Variants in DNAJC1 observed in about 807,000 individuals in gnomAD.
DNAJC1 encodes the protein dnaJ homolog subfamily C member 1.
DNAJC1 carries 58 observed loss-of-function variants against 76.6 expected under a neutral mutation model. The ratio of observed to expected loss-of-function variants is 0.76; its 90% CI spans 0.61 to 0.94. The LOEUF is 0.94. Among genes scored for constraint, DNAJC1 ranks in the 40% least tolerant of loss-of-function variants. DNAJC1 has a pLI of 0.00. For missense variants in DNAJC1, 689 were observed against 677.3 expected, an observed-to-expected ratio of 1.02 and a Z score of -0.19; for synonymous variants, 258 against 267.9, an observed-to-expected ratio of 0.96 and a Z score of 0.36.
chr10:21,983,046 C>T (rs916869031), intron 1 of DNAJC1, among the ~76,000 whole-genome samples: 1 of 152,182 alleles, frequency 6.6e-6, no homozygotes, highest in African/African-American at 2.4e-5. Context: ...GAGAGGAAGA[C>T]TCTGTCTCAA....
intron 3 of DNAJC1, among the ~76,000 whole-genome samples, chr10:21,927,422 C>A (rs548542525): frequency 2.2e-4 from 34 of 152,222 alleles, no homozygotes; most frequent in African/African-American, 6.7e-4. Context: ...TGTATTACCC[C>A]CCTAGTGAAG....
chr10:21,768,543 A>C (rs1391118558), intron 9 of DNAJC1, among the ~76,000 whole-genome samples: 17 of 152,244 alleles, frequency 1.1e-4, no homozygotes. Flanking sequence ...TACCTGGCAG[A>C]CAGTAAAGGC....
chr10:21,868,078 AAAAAAAAAAAAC>A (rs1475182719), intron 8 of DNAJC1, among the ~76,000 whole-genome samples: 3 of 75,454 alleles, frequency 4.0e-5, no homozygotes, highest in Admixed American at 1.3e-4. Flanking sequence ...TCTGTCTCCA[AAAAAAAAAAAAC>A]AAAAAAAAAA....
In DNAJC1 at chr10:21,833,339, C is replaced by A. The variant is rs576564781; in HGVS notation, c.979-27240G>T. On this transcript the variant is annotated intron_variant, in intron 8 of 11. Transcript: ENST00000376980. ...ACAAAAAATCAGCTGGGCATGGTGACGGGCGCCTGTAATCCCAGCTATTTG... is the reference window on the plus strand; with the variant it reads ...ACAAAAAATCAGCTGGGCATGGTGAAGGGCGCCTGTAATCCCAGCTATTTG... 2.6e-5 allele frequency among the ~76,000 whole-genome samples: 4 copies of A among 152,158 alleles called. No homozygotes were observed. The East Asian group carries it at 7.7e-4, about 29-fold the overall frequency.
chr10:21,801,256 C>T (rs1697440783), intron 9 of DNAJC1, among the ~76,000 whole-genome samples: 1 of 152,136 alleles, frequency 6.6e-6, no homozygotes, highest in Non-Finnish European at 1.5e-5. Context: ...AAAATATTTG[C>T]ATCTGACAAA....
intron 9 of DNAJC1, chr10:21,804,096 G>A: frequency 5.6e-6 from 2 of 357,214 alleles, no homozygotes; most frequent in Non-Finnish European, 7.8e-6. Flanking sequence ...GGATCTATGA[G>A]GCTTTGTTGG....
At chr10:21,812,326 G>C (rs1834980784) in intron 8 of DNAJC1, among the ~76,000 whole-genome samples, 1 of 152,022 alleles carries the variant, frequency 6.6e-6, no homozygotes, top group South Asian at 2.1e-4. Flanking sequence ...CAAAGTGCTG[G>C]GATTACAGGT....
chr10:21,875,887 T>C (rs572713631), intron 8 of DNAJC1, among the ~76,000 whole-genome samples: 13 of 152,236 alleles, frequency 8.5e-5, no homozygotes, highest in African/African-American at 3.1e-4. Flanking sequence ...ATCATGCTGT[T>C]GCACTTCAGC....
chr10:21,929,894 T>C (rs1253612449), intron 1 of DNAJC1, among the ~76,000 whole-genome samples: 1 of 152,240 alleles, frequency 6.6e-6, no homozygotes, highest in African/African-American at 2.4e-5. Context: ...TATAATCCTG[T>C]GTGCACAGGT....
chr10:21,837,376 T>A lies in DNAJC1; in HGVS notation c.979-31277A>T, dbSNP rs566327753. On this transcript the variant is annotated intron_variant, in intron 8 of 11. Coordinates refer to ENST00000376980, the MANE Select transcript of DNAJC1 (RefSeq NM_022365.4). ...AGCGTCTCTGCCTGGCCGCCCATCG[T>A]CTGGGATGTGAGGAGCCCCTCTGTC... Among the ~76,000 whole-genome samples, 10 of 151,634 alleles carry A rather than the reference T, an allele frequency of 6.6e-5. No individual in the cohort carries two copies. The East Asian group carries it at 2.0e-3, about 30-fold the overall frequency.
At chr10:21,969,806 A>G (rs1837951311) in intron 1 of DNAJC1, among the ~76,000 whole-genome samples, 1 of 152,164 alleles carries the variant, frequency 6.6e-6, no homozygotes, top group South Asian at 2.1e-4. Context: ...ATATCTCAAG[A>G]ATATAACATC....
At chr10:21,909,129 C>G (rs1590044195) in intron 6 of DNAJC1, among the ~76,000 whole-genome samples, 2 of 152,342 alleles carry the variant, frequency 1.3e-5, no homozygotes, top group South Asian at 2.1e-4. Flanking sequence ...CTCAGGTGAT[C>G]TGCCTGCTTC....
At chr10:21,969,554 G>A (rs1837945520) in intron 1 of DNAJC1, among the ~76,000 whole-genome samples, 1 of 152,096 alleles carries the variant, frequency 6.6e-6, no homozygotes. Flanking sequence ...CAATTCCTTA[G>A]CCAGTTGATT....
intron 8 of DNAJC1, among the ~76,000 whole-genome samples, chr10:21,828,812 T>A (rs549439856): frequency 6.6e-6 from 1 of 152,338 alleles, no homozygotes; most frequent in African/African-American, 2.4e-5. Flanking sequence ...TTCTTTTTCA[T>A]GATACACATA....
At chr10:21,837,775 G>C (rs1361150546) in intron 8 of DNAJC1, among the ~76,000 whole-genome samples, 1 of 147,714 alleles carries the variant, frequency 6.8e-6, no homozygotes. Flanking sequence ...GTCCAGGAGG[G>C]AGGTAGGGGG....
At chr10:21,973,293 T>C (rs1458007134) in intron 1 of DNAJC1, among the ~76,000 whole-genome samples, 1 of 152,194 alleles carries the variant, frequency 6.6e-6, no homozygotes, top group East Asian at 1.9e-4. Context: ...CTGACAGTTA[T>C]TAGGTTAAGT....
At chr10:21,968,050 C>G (rs1438219081) in intron 1 of DNAJC1, among the ~76,000 whole-genome samples, 2 of 152,170 alleles carry the variant, frequency 1.3e-5, no homozygotes, top group Admixed American at 1.3e-4. Context: ...CCTTTATTGA[C>G]AGATATTTGA....
intron 1 of DNAJC1, among the ~76,000 whole-genome samples, chr10:21,943,294 G>A (rs1009303629): frequency 1.3e-5 from 2 of 152,018 alleles, no homozygotes; most frequent in Non-Finnish European, 2.9e-5. Context: ...AAACAGAAAA[G>A]GGAAAAAAGC....
chr10:21,843,742 CTTTT>C (rs1156943907), intron 8 of DNAJC1, among the ~76,000 whole-genome samples: 1 of 137,844 alleles, frequency 7.3e-6, no homozygotes, highest in Admixed American at 7.3e-5. Flanking sequence ...ATTTTACAAT[CTTTT>C]TTTTTTTTTT....
Sources: gnomAD v4.1 joint callset for allele counts (sites outside exome capture counted in the v4.1 genomes callset) on GRCh38, gnomAD v4.1.1 for gene constraint, MANE v1.5 for transcripts, NCBI Gene and HGNC (gene_info 2026-07-23, HGNC 2026-07-21) for gene names.